ZSWIM7: variants seen among roughly 807,000 people sequenced by gnomAD.
ZSWIM7 encodes the protein zinc finger SWIM-type containing 7.
In ZSWIM7, 22 loss-of-function variants were observed where a neutral mutation model predicts 21.1. The ratio of observed to expected loss-of-function variants is 1.04; its 90% CI spans 0.74 to 1.49. The LOEUF (loss-of-function observed/expected upper bound fraction) is 1.49. Ranked by LOEUF, ZSWIM7 falls within the 40% of genes most tolerant of loss-of-function variation. The probability of loss-of-function intolerance (pLI) is 0.00; values close to 1 mark genes in which losing one functional copy is unlikely to be tolerated. For missense variants in ZSWIM7, 193 were observed against 168.0 expected (o/e 1.15, Z -0.82); for synonymous variants, 67 against 66.5 (o/e 1.01, Z -0.04).
At chr17:15,985,074 G>A (rs1045993057) in intron 3 of ZSWIM7, among the ~76,000 whole-genome samples, 2 of 152,156 alleles carry the variant, frequency 1.3e-5, no homozygotes, top group African/African-American at 4.8e-5. Flanking sequence ...GAAAGCAAAG[G>A]TGGTGGATCA....
At chr17:15,982,260 A>G (rs1182064717) in intron 3 of ZSWIM7, among the ~76,000 whole-genome samples, 1 of 152,208 alleles carries the variant, frequency 6.6e-6, no homozygotes, top group African/African-American at 2.4e-5. Flanking sequence ...TCTACCACCA[A>G]GCAGCCAAAA....
At chr17:15,984,086 T>C (rs917344016) in intron 3 of ZSWIM7, among the ~76,000 whole-genome samples, 2 of 152,108 alleles carry the variant, frequency 1.3e-5, no homozygotes, top group African/African-American at 2.4e-5. Flanking sequence ...TCATGCTGAA[T>C]AAACAGCTGG....
chr17:15,997,398 T>C (rs867145354), intron 1 of ZSWIM7, among the ~76,000 whole-genome samples: 3 of 152,226 alleles, frequency 2.0e-5, no homozygotes, highest in Middle Eastern at 6.8e-3. Context: ...TTGAGAACAC[T>C]AGTAAAGGAT....
chr17:15,995,328 C>T (rs561982968), intron 1 of ZSWIM7, among the ~76,000 whole-genome samples: 7 of 150,550 alleles, frequency 4.6e-5, no homozygotes, highest in East Asian at 2.0e-4. Flanking sequence ...AGTACAATGA[C>T]GCAATCTCGG....
rs11289228 is a variant in ZSWIM7, at chr17:15,985,303, T to TA, written c.201+1962dup. 8.8e-4 allele frequency among the ~76,000 whole-genome samples: 123 copies of TA among 139,568 alleles called. 1 individual carries two copies. The highest frequency in any genetic ancestry group is 7.4e-3 in the East Asian group (35 of 4,714). The allele number at this position is 139,568 out of a possible 152,430, so 91.6% of individuals were successfully genotyped here. On this transcript the variant is annotated intron_variant, in intron 3 of 4. Transcript: ENST00000399277. ...TGGGCAACAGAGCGAGACTCTGCCTTAAAAAAAAAAAAAAAAAATTATAGA... is the reference window on the plus strand; with the variant it reads ...TGGGCAACAGAGCGAGACTCTGCCTTAAAAAAAAAAAAAAAAAAATTATAGA...
At position 15,978,072 on chromosome 17, in the gene ZSWIM7, A is replaced by C; in HGVS notation, c.398T>G (p.Leu133Trp). The C allele has an allele frequency of 6.2e-7, 1 of 1,613,958 alleles. No homozygotes were observed. The highest frequency in any genetic ancestry group is 1.1e-5 in the South Asian group (1 of 91,080). ...TTATGCTTCTTGTTTCTTCTCCATC[A>C]ATAATATGTCAGTCAACTGCTTGTC... ...VSDKQLTDIL[L>W]MEKKQEA The change falls in exon 5 of 5, where the codon TTG becomes TGG. Residue 133 changes from leucine to tryptophan, a missense_variant. Transcript: ENST00000399277.
intron 1 of ZSWIM7, among the ~76,000 whole-genome samples, chr17:15,996,127 G>C (rs1430674617): frequency 1.3e-5 from 2 of 152,082 alleles, no homozygotes; most frequent in African/African-American, 4.8e-5. Context: ...CTAACATTTA[G>C]TATCTCTACT....
intron 2 of ZSWIM7, among the ~76,000 whole-genome samples, chr17:15,988,995 A>G (rs540214008): frequency 9.9e-5 from 15 of 152,262 alleles, no homozygotes; most frequent in South Asian, 2.1e-4. Context: ...ACTCTGGCCC[A>G]GGTAACAGGG....
intron 1 of ZSWIM7, 36 bp downstream of exon 1, chr17:15,999,483 C>G (rs1232844078): frequency 6.3e-7 from 1 of 1,592,412 alleles, no homozygotes; most frequent in Non-Finnish European, 8.5e-7. Flanking sequence ...CCCGCCCGCG[C>G]CCATGGCGCA....
In ZSWIM7 at chr17:15,977,966, T is replaced by C; in HGVS notation, c.*81A>G. ...AGTGTCTGAAGATCCATTTCACCTC[T>C]TTTCCATGTGAATCATGACGCTTTC... On this transcript the variant is annotated 3_prime_UTR_variant, in exon 5 of 5. Transcript: ENST00000399277. 3.4e-6 allele frequency: 4 copies of C among 1,165,476 alleles called. No individual in the cohort carries two copies. Among genetic ancestry groups the C allele is most frequent in the Non-Finnish European group, 3.8e-6 (3 of 784,354 alleles). The allele number at this position is 1,165,476 out of a possible 1,614,324, so 72.2% of individuals were successfully genotyped here. A position where few individuals can be genotyped will look rare whatever the true frequency, so the allele number is the denominator to read the frequency against.
intron 3 of ZSWIM7, among the ~76,000 whole-genome samples, chr17:15,981,650 T>C (rs1322327407): frequency 2.6e-5 from 4 of 152,102 alleles, no homozygotes; most frequent in Non-Finnish European, 5.9e-5. Context: ...GCTCAAAGCC[T>C]GTAATCCCAG....
intron 4 of ZSWIM7, among the ~76,000 whole-genome samples, chr17:15,979,470 T>C (rs531157033): frequency 1.3e-5 from 2 of 149,952 alleles, no homozygotes; most frequent in African/African-American, 5.1e-5. Context: ...AAACCGCCAT[T>C]GTCATCATGG....
chr17:15,981,840 T>C (rs2151620719), intron 3 of ZSWIM7, among the ~76,000 whole-genome samples: 1 of 152,290 alleles, frequency 6.6e-6, no homozygotes, highest in African/African-American at 2.4e-5. Context: ...TGCTTGAGCC[T>C]GGGAGGTCAA....
intron 2 of ZSWIM7, among the ~76,000 whole-genome samples, chr17:15,993,523 C>T (rs1970510752): frequency 1.3e-5 from 2 of 151,822 alleles, no homozygotes; most frequent in African/African-American, 2.4e-5. Context: ...CCCACCACCA[C>T]GTCCAGCTAA....
chr17:15,983,344 C>CAAAA (rs58918337), intron 3 of ZSWIM7, among the ~76,000 whole-genome samples: 885 of 44,586 alleles, frequency 0.02, 89 homozygotes, highest in African/African-American at 0.068. Context: ...GACTCTGTCT[C>CAAAA]AAAAAAAAAA....
At chr17:15,988,880 C>T (rs992832741) in intron 2 of ZSWIM7, among the ~76,000 whole-genome samples, 1 of 151,824 alleles carries the variant, frequency 6.6e-6, no homozygotes, top group East Asian at 1.9e-4. Context: ...ATTAGCCGGG[C>T]GTGGTGGCAC....
chr17:15,981,698 C>A (rs1421697573), intron 3 of ZSWIM7, among the ~76,000 whole-genome samples: 1 of 152,030 alleles, frequency 6.6e-6, no homozygotes, highest in Admixed American at 6.6e-5. Flanking sequence ...CACTTGACCC[C>A]CCCCAGAGTT....
At chr17:15,980,782 A>AT (rs1323987919) in intron 4 of ZSWIM7, among the ~76,000 whole-genome samples, 1 of 152,184 alleles carries the variant, frequency 6.6e-6, no homozygotes, top group African/African-American at 2.4e-5. Context: ...CACTTCTGGG[A>AT]TTCCCTTTTT....
rs1271947377 is a variant in ZSWIM7 at position 15,977,974 on chromosome 17, G to T, written c.*73C>A. The stretch of plus-strand genomic sequence containing the variant: ...AAGATCCATTTCACCTCTTTTCCAT[G>T]TGAATCATGACGCTTTCAATGCATT... On this transcript the variant is annotated 3_prime_UTR_variant, in exon 5 of 5. Transcript: ENST00000399277. The T allele has an allele frequency of 2.3e-5, 28 of 1,222,288 alleles. No individual in the cohort carries two copies. Among genetic ancestry groups the T allele is most frequent in the Non-Finnish European group, 3.0e-5 (25 of 832,126 alleles). 75.7% of individuals were successfully genotyped at this position (1,222,288 alleles called of 1,614,324 possible).
Sources: gnomAD v4.1 joint callset for allele counts (sites outside exome capture counted in the v4.1 genomes callset) on GRCh38, gnomAD v4.1.1 for gene constraint, MANE v1.5 for transcripts, NCBI Gene and HGNC (gene_info 2026-07-23, HGNC 2026-07-21) for gene names.